The following PLD5 variants were observed in gnomAD, a reference collection of about 807,000 sequenced individuals.
The protein encoded by PLD5 is phospholipase D family member 5, also known as inactive phospholipase D5.
A neutral mutation model predicts 61.1 loss-of-function variants in PLD5; 36 were observed. The observed-to-expected ratio is 0.59, with a 90% CI of 0.45 to 0.78. The LOEUF (loss-of-function observed/expected upper bound fraction) is 0.78, where lower values mean the gene tolerates loss of function less well. Ranked by LOEUF, PLD5 falls within the 30% of genes least tolerant of loss-of-function variation. PLD5 has a pLI of 0.00. For missense variants in PLD5, 515 were observed against 644.4 expected, an observed-to-expected ratio of 0.80 and a Z score of 2.17; for synonymous variants, 243 against 242.8, an observed-to-expected ratio of 1.00 and a Z score of -0.01.
intron 1 of PLD5, among the ~76,000 whole-genome samples, chr1:242,463,417 C>T (rs1572193984): frequency 6.6e-6 from 1 of 152,196 alleles, no homozygotes; most frequent in Non-Finnish European, 1.5e-5. Flanking sequence ...TGCTGCATCG[C>T]AAGCGGACTC....
At chr1:242,395,185 G>T (rs971069134) in intron 1 of PLD5, among the ~76,000 whole-genome samples, 3 of 151,008 alleles carry the variant, frequency 2.0e-5, no homozygotes, top group African/African-American at 7.3e-5. Context: ...ACTAAAATGT[G>T]TTTACATTTA....
chr1:242,284,801 G>A (rs1044645677), intron 3 of PLD5, among the ~76,000 whole-genome samples: 13 of 152,146 alleles, frequency 8.5e-5, no homozygotes, highest in African/African-American at 2.9e-4. Context: ...GACAGGTATG[G>A]CGAGAACTGC....
intron 1 of PLD5, among the ~76,000 whole-genome samples, chr1:242,515,006 A>T (rs144573471): frequency 2.6e-5 from 4 of 152,316 alleles, no homozygotes; most frequent in South Asian, 2.1e-4. Flanking sequence ...TTTGTAAACT[A>T]TCATGGAAAT....
chr1:242,153,652 C>T (rs879369022), intron 5 of PLD5, among the ~76,000 whole-genome samples: 1 of 152,114 alleles, frequency 6.6e-6, no homozygotes, highest in Admixed American at 6.5e-5. Context: ...TGTCACAGAT[C>T]AGAGGGTTGT....
intron 2 of PLD5, among the ~76,000 whole-genome samples, chr1:242,320,576 A>T (rs113416254): frequency 0.059 from 8,910 of 152,304 alleles, 317 homozygotes; most frequent in Middle Eastern, 0.096. Flanking sequence ...CCTGGAGTTT[A>T]TGAACCAGTC....
intron 3 of PLD5, among the ~76,000 whole-genome samples, chr1:242,283,717 G>T (rs1005232557): frequency 6.6e-6 from 1 of 151,928 alleles, no homozygotes; most frequent in Non-Finnish European, 1.5e-5. Flanking sequence ...ATTTTTGCAC[G>T]CAATAAACCA....
chr1:242,383,940 T>C (rs765652659), intron 1 of PLD5, among the ~76,000 whole-genome samples: 1 of 152,184 alleles, frequency 6.6e-6, no homozygotes, highest in Non-Finnish European at 1.5e-5. Context: ...ATCCAAGCAC[T>C]TGGCTTCCAC....
intron 4 of PLD5, among the ~76,000 whole-genome samples, chr1:242,227,346 G>A (rs1372902998): frequency 1.3e-5 from 2 of 151,774 alleles, no homozygotes; most frequent in Non-Finnish European, 2.9e-5. Flanking sequence ...ACCACACCTG[G>A]CCTCAACACT....
At chr1:242,260,301 G>A (rs1415882458) in intron 4 of PLD5, among the ~76,000 whole-genome samples, 1 of 151,494 alleles carries the variant, frequency 6.6e-6, no homozygotes, top group Non-Finnish European at 1.5e-5. Context: ...GAGCCGAGAT[G>A]GCACCATTGC....
intron 1 of PLD5, among the ~76,000 whole-genome samples, chr1:242,485,704 G>GA (rs1368993862): frequency 6.6e-6 from 1 of 152,118 alleles, no homozygotes; most frequent in African/African-American, 2.4e-5. Flanking sequence ...CACAGAATTG[G>GA]AAAAAATTAC....
chr1:242,401,396 C>A (rs1663923771), intron 1 of PLD5, among the ~76,000 whole-genome samples: 1 of 152,064 alleles, frequency 6.6e-6, no homozygotes, highest in Admixed American at 6.6e-5. Flanking sequence ...TCTTCTGTAA[C>A]AAGAAACAGG....
intron 2 of PLD5, among the ~76,000 whole-genome samples, chr1:242,292,176 C>T (rs1169169880): frequency 6.6e-6 from 1 of 152,110 alleles, no homozygotes; most frequent in African/African-American, 2.4e-5. Flanking sequence ...TTAATAGAAG[C>T]TAGACATAGC....
chr1:242,115,189 GA>G (rs952553989), intron 6 of PLD5, among the ~76,000 whole-genome samples: 9 of 147,848 alleles, frequency 6.1e-5, no homozygotes, highest in Non-Finnish European at 1.2e-4. Context: ...AAAGAAAAAA[GA>G]AAAAAAAGAA....
At chr1:242,204,753 TG>T (rs1407859128) in intron 5 of PLD5, among the ~76,000 whole-genome samples, 2 of 152,164 alleles carry the variant, frequency 1.3e-5, no homozygotes, top group Non-Finnish European at 2.9e-5. Context: ...GATGAGCGAA[TG>T]GAATTTAGGG....
chr1:242,193,650 T>C (rs1439518904), intron 5 of PLD5, among the ~76,000 whole-genome samples: 1 of 152,220 alleles, frequency 6.6e-6, no homozygotes, highest in Non-Finnish European at 1.5e-5. Context: ...CATTAGGGTG[T>C]CATCTGTGTG....
intron 1 of PLD5, among the ~76,000 whole-genome samples, chr1:242,482,896 C>T (rs9970169): frequency 0.44 from 66,864 of 151,928 alleles, 15,125 homozygotes; most frequent in African/African-American, 0.53. Context: ...AGAGTGGGGG[C>T]CAATATTCAA....
At position 242,393,587 on chromosome 1, in the gene PLD5, C is replaced by CATATGTGTATATATATGAGCAT. The variant is rs1663103934; in HGVS notation, c.190-45367_190-45346dup. ...ATATATGTGTATATATATGAGTATA[C>CATATGTGTATATATATGAGCAT]ATATGTGTATATATATGAGCATATA... On this transcript the variant is annotated intron_variant, in intron 1 of 9. Transcript: ENST00000536534. Among the ~76,000 whole-genome samples, 10 of 55,466 alleles carry CATATGTGTATATATATGAGCAT rather than the reference C, an allele frequency of 1.8e-4. 3 individuals are homozygous for CATATGTGTATATATATGAGCAT. In the East Asian group the frequency reaches 2.2e-3, roughly 12 times the overall value. 36.4% of individuals were successfully genotyped at this position (55,466 alleles called of 152,430 possible).
intron 2 of PLD5, among the ~76,000 whole-genome samples, chr1:242,337,877 A>G (rs1659617346): frequency 6.6e-6 from 1 of 152,174 alleles, no homozygotes; most frequent in Non-Finnish European, 1.5e-5. Flanking sequence ...CGCTGCATCC[A>G]GGGTGAGTAA....
At chr1:242,448,828 A>G (rs1361303169) in intron 1 of PLD5, among the ~76,000 whole-genome samples, 2 of 152,156 alleles carry the variant, frequency 1.3e-5, no homozygotes. Flanking sequence ...ACTGCCTATG[A>G]TAGTTTCAAA....
Sources: gnomAD v4.1 joint callset for allele counts (sites outside exome capture counted in the v4.1 genomes callset) on GRCh38, gnomAD v4.1.1 for gene constraint, MANE v1.5 for transcripts, NCBI Gene and HGNC (gene_info 2026-07-23, HGNC 2026-07-21) for gene names.